The following ADAMTSL1 variants were observed in gnomAD, a reference collection of about 807,000 sequenced individuals.
ADAMTSL1 encodes the protein ADAMTS-like protein 1.
Under a neutral mutation model 201.8 loss-of-function variants are expected in ADAMTSL1, and 126 were observed. The ratio of observed to expected loss-of-function variants is 0.62; its 90% CI spans 0.54 to 0.72. ADAMTSL1 has a LOEUF of 0.72. ADAMTSL1 is among the 30% of genes least tolerant of loss of function. ADAMTSL1 has a pLI of 0.00. For synonymous variants in ADAMTSL1, 1,121 were observed against 903.4 expected, an observed-to-expected ratio of 1.24 and a Z score of -4.32; for missense variants, 2,679 against 2,277.8, an observed-to-expected ratio of 1.18 and a Z score of -3.59.
chr9:18,228,238 T>C (rs777364843), intron 2 of ADAMTSL1, among the ~76,000 whole-genome samples: 13 of 152,206 alleles, frequency 8.5e-5, no homozygotes, highest in Non-Finnish European at 1.6e-4. Flanking sequence ...GGCTTGATGA[T>C]AGTTCCTGCG....
intron 3 of ADAMTSL1, among the ~76,000 whole-genome samples, chr9:18,551,299 A>T (rs1281580282): frequency 6.6e-6 from 1 of 151,866 alleles, no homozygotes; most frequent in Non-Finnish European, 1.5e-5. Context: ...TATATTGTTT[A>T]CATCTTGTTT....
chr9:18,628,132 C>T lies in ADAMTSL1; in HGVS notation c.601+5763C>T, dbSNP rs58154665. The stretch of plus-strand genomic sequence containing the variant: ...CCACGCTATCATTTTTTTTCTTTTA[C>T]GGCTCATGCTTTTAATGTCATGTCT... On this transcript the variant is annotated intron_variant, in intron 5 of 28. Transcript: ENST00000380548. Among the ~76,000 whole-genome samples the T allele has an allele frequency of 6.9e-3, 1,044 of 152,136 alleles. 13 individuals carry two copies. The East Asian group carries it at 0.07, about 10-fold the overall frequency.
At chr9:18,615,999 C>A (rs181516919) in intron 4 of ADAMTSL1, among the ~76,000 whole-genome samples, 1 of 152,120 alleles carries the variant, frequency 6.6e-6, no homozygotes, top group African/African-American at 2.4e-5. Context: ...ATGCTCTTTA[C>A]CTGGATGATT....
At chr9:18,287,556 A>T (rs918239267) in intron 2 of ADAMTSL1, among the ~76,000 whole-genome samples, 1 of 150,762 alleles carries the variant, frequency 6.6e-6, no homozygotes, top group African/African-American at 2.4e-5. Flanking sequence ...ACATACATGT[A>T]GAAATATTAC....
At chr9:17,943,583 A>C (rs991661251) in intron 1 of ADAMTSL1, among the ~76,000 whole-genome samples, 2 of 152,112 alleles carry the variant, frequency 1.3e-5, no homozygotes, top group African/African-American at 4.8e-5. Context: ...TGGTATGAAT[A>C]GCTTATGAGC....
chr9:18,401,809 G>A (rs192816490), intron 2 of ADAMTSL1, among the ~76,000 whole-genome samples: 185 of 152,260 alleles, frequency 1.2e-3, no homozygotes, highest in African/African-American at 4.3e-3. Context: ...CTGTTCGCGT[G>A]ATCTCAGCTG....
intron 2 of ADAMTSL1, among the ~76,000 whole-genome samples, chr9:18,181,059 G>C (rs1034164364): frequency 6.6e-6 from 1 of 152,122 alleles, no homozygotes; most frequent in Non-Finnish European, 1.5e-5. Flanking sequence ...TTAATAAATG[G>C]TGCTGGGAAA....
chr9:18,744,273 G>A (rs544447041), intron 15 of ADAMTSL1, among the ~76,000 whole-genome samples: 3 of 152,346 alleles, frequency 2.0e-5, no homozygotes, highest in African/African-American at 7.2e-5. Flanking sequence ...TATGTCTCCT[G>A]GGCTTTTGTC....
chr9:18,387,763 C>A (rs1329224119), intron 2 of ADAMTSL1, among the ~76,000 whole-genome samples: 1 of 152,002 alleles, frequency 6.6e-6, no homozygotes. Context: ...TAACTGTAGG[C>A]TTGAAAAAGT....
chr9:18,099,355 ATTTTTTTTTTTTTT>A lies in ADAMTSL1; in HGVS notation c.88-64503_88-64490del, dbSNP rs397893715. On this transcript the variant is annotated intron_variant, in intron 1 of 29. Transcript: ENST00000680146. ...TATATATATATATATATATATATAT[ATTTTTTTTTTTTTT>A]TTTAACATCCATTAATTTTACTAGG... is the stretch of plus-strand genomic sequence containing the variant. Among the ~76,000 whole-genome samples the A allele has an allele frequency of 2.9e-3, 132 of 45,550 alleles. 8 individuals are homozygous for A. The highest frequency in any genetic ancestry group is 0.01 in the African/African-American group (127 of 12,332). 29.9% of individuals were successfully genotyped at this position (45,550 alleles called of 152,430 possible).
intron 1 of ADAMTSL1, among the ~76,000 whole-genome samples, chr9:17,915,080 C>A (rs1259409490): frequency 6.6e-6 from 1 of 152,098 alleles, no homozygotes; most frequent in Non-Finnish European, 1.5e-5. Flanking sequence ...GTATACTGCA[C>A]ATGTTTAAAG....
At chr9:18,565,682 T>G (rs1313927240) in intron 3 of ADAMTSL1, among the ~76,000 whole-genome samples, 2 of 152,206 alleles carry the variant, frequency 1.3e-5, no homozygotes, top group Non-Finnish European at 2.9e-5. Context: ...TTTCTGTTCT[T>G]TGCACTTACA....
intron 23 of ADAMTSL1, among the ~76,000 whole-genome samples, chr9:18,872,790 T>C (rs1196772374): frequency 6.6e-6 from 1 of 152,226 alleles, no homozygotes; most frequent in Non-Finnish European, 1.5e-5. Context: ...ATTCTGCTGC[T>C]ATAAACATGC....
rs778026088 is a variant in ADAMTSL1, at chr9:18,777,113, G to C, written c.2884G>C (p.Gly962Arg). The C allele has an allele frequency of 2.9e-5, 46 of 1,613,090 alleles. No homozygotes were observed. Among genetic ancestry groups the C allele is most frequent in the South Asian group, 9.9e-5 (9 of 91,074 alleles). Residue 962 changes from glycine (G) to arginine (R), a missense_variant, in exon 19 of 29, where the codon GGA (glycine) becomes CGA (arginine). Transcript: ENST00000380548. ...AREHFVIKLI[G>R]GNRKLVARPL... ...GGAGCACTTTGTGATTAAGCTCATC[G>C]GAGGCAACCGCAAGCTCGTGGCCCG...
intron 2 of ADAMTSL1, among the ~76,000 whole-genome samples, chr9:18,414,462 C>T (rs1425929980): frequency 6.6e-6 from 1 of 151,766 alleles, no homozygotes; most frequent in Admixed American, 6.6e-5. Context: ...TAACAGAGAC[C>T]AATTTACACT....
chr9:18,195,646 G>C (rs1229930559), intron 2 of ADAMTSL1, among the ~76,000 whole-genome samples: 2 of 152,134 alleles, frequency 1.3e-5, no homozygotes, highest in African/African-American at 4.8e-5. Context: ...AATCTGAAAA[G>C]AGCTGGTACT....
chr9:17,916,080 C>T (rs1002405875), intron 1 of ADAMTSL1, among the ~76,000 whole-genome samples: 2 of 152,194 alleles, frequency 1.3e-5, no homozygotes, highest in South Asian at 2.1e-4. Context: ...CCACCATGCA[C>T]AGCTAATTTT....
chr9:18,613,733 G>GGT (rs763126023), intron 4 of ADAMTSL1, among the ~76,000 whole-genome samples: 12 of 152,122 alleles, frequency 7.9e-5, no homozygotes, highest in Admixed American at 2.6e-4. Flanking sequence ...CCTACTTAAG[G>GGT]GTGAAGGGTG....
At chr9:18,650,524 GGC>G (rs1828172000) in intron 7 of ADAMTSL1, among the ~76,000 whole-genome samples, 1 of 152,032 alleles carries the variant, frequency 6.6e-6, no homozygotes, top group African/African-American at 2.4e-5. Flanking sequence ...GTTCCTATTC[GGC>G]CATCTTGGCT....
Sources: allele counts gnomAD v4.1 joint callset (sites outside exome capture counted in the v4.1 genomes callset), GRCh38; gene constraint gnomAD v4.1.1; transcripts MANE v1.5; gene names NCBI Gene and HGNC (gene_info 2026-07-23, HGNC 2026-07-21).